The following LAMA3 variants were observed in gnomAD, a reference collection of about 807,000 sequenced individuals.
LAMA3 encodes the protein laminin subunit alpha-3.
In LAMA3, 281 loss-of-function variants were observed where a neutral mutation model predicts 402.0. That is an observed-to-expected ratio of 0.70 (90% CI 0.63 to 0.77). LAMA3 has a LOEUF of 0.77. Ranked by LOEUF, LAMA3 falls within the 30% of genes least tolerant of loss-of-function variation. The pLI is 0.00. For missense variants in LAMA3, 3,840 were observed against 4,215.5 expected (o/e 0.91, Z 2.47); for synonymous variants, 1,431 against 1,558.4 (o/e 0.92, Z 1.93).
At chr18:23,708,364 T>C (rs927325380) in intron 1 of LAMA3, among the ~76,000 whole-genome samples, 25 of 152,214 alleles carry the variant, frequency 1.6e-4, no homozygotes, top group Non-Finnish European at 5.9e-5. Flanking sequence ...TTCATATAAA[T>C]TTTAGAATTA....
intron 12 of LAMA3, among the ~76,000 whole-genome samples, chr18:23,793,702 T>G (rs530351499): frequency 6.6e-6 from 1 of 152,134 alleles, no homozygotes; most frequent in African/African-American, 2.4e-5. Flanking sequence ...TGACCAAATG[T>G]GTGGGGGTCT....
At position 23,916,590 on chromosome 18, in the gene LAMA3, G is replaced by A. The variant is rs139567388; in HGVS notation, c.7818G>A (p.Thr2606=). The stretch of plus-strand genomic sequence containing the variant: ...CAGACAAAAATTATTTTGAAGGTAC[G>A]GGCTATGCTCGAGTTCCAACTCAAC... ...EESDKNYFEG[T]GYARVPTQPH... The change falls in exon 60 of 75, where the codon ACG becomes ACA. Residue 2606 remains threonine, a synonymous_variant. Transcript: ENST00000313654. 7.8e-4 allele frequency: 1,254 copies of A among 1,613,986 alleles called. 7 individuals are homozygous for A. The African/African-American group carries it at 0.014, about 18-fold the overall frequency.
intron 1 of LAMA3, among the ~76,000 whole-genome samples, chr18:23,698,286 G>C (rs1030967123): frequency 6.8e-6 from 1 of 147,670 alleles, no homozygotes; most frequent in Non-Finnish European, 1.5e-5. Context: ...GGCTCACTGC[G>C]AGCTCCGCCT....
At chr18:23,758,262 G>C in intron 6 of LAMA3, 134 bp from the exon 7 acceptor site, 1 of 718,646 alleles carries the variant, frequency 1.4e-6, no homozygotes. Context: ...GCGAAGTGTT[G>C]TGTTCTCCTA....
At chr18:23,858,082 A>C in intron 33 of LAMA3, 94 bp downstream of exon 33, 1 of 1,422,022 alleles carries the variant, frequency 7.0e-7, no homozygotes, top group Non-Finnish European at 9.8e-7. Flanking sequence ...GGGAAATGGG[A>C]CTGACCCGTA....
Position 23,921,454 on chromosome 18 carries a change from T to A in LAMA3, c.8046T>A (p.Ile2682=). Residue 2682 remains isoleucine (I), a splice_region_variant and synonymous_variant, in exon 62 of 75, where the codon ATT becomes ATA. Transcript: ENST00000313654. ...DAINNGRDHS[I]QIKIGKLQKR... ...GATTCATCTCTCATTTATTTCAGAT[T>A]CAGATCAAAATTGGAAAACTCCAAA... 6.2e-7 allele frequency: 1 copy of A among 1,612,844 alleles called. No homozygotes were observed.
At position 23,914,657 on chromosome 18, in the gene LAMA3, AT is replaced by A. The variant is rs2081550905; in HGVS notation, c.7482-35del. 1.1e-5 allele frequency: 18 copies of A among 1,598,224 alleles called. No homozygotes were observed. In the East Asian group the frequency reaches 2.7e-4, roughly 24 times the overall value. On this transcript the variant is annotated intron_variant, in intron 57 of 74. Transcript: ENST00000313654. ...AGTGGCTTGGCTTTGAATTCTTCAA[AT>A]TTTTTGTTTAACTTTATTATCTAAA...
intron 15 of LAMA3, 87 bp from the exon 16 acceptor site, chr18:23,815,101 G>T: frequency 8.5e-7 from 1 of 1,181,016 alleles, no homozygotes; most frequent in Non-Finnish European, 1.3e-6. Context: ...AACTGCACAC[G>T]TTGTGTTGCA....
chr18:23,894,778 G>T, intron 43 of LAMA3, 129 bp from the exon 44 acceptor site: 2 of 1,137,724 alleles, frequency 1.8e-6, no homozygotes, highest in South Asian at 2.6e-5. Flanking sequence ...TCCCTGAGAA[G>T]GCCAGGGCTG....
chr18:23,710,209 C>T, intron 1 of LAMA3: 1 of 646,810 alleles, frequency 1.5e-6, no homozygotes, highest in Non-Finnish European at 2.8e-6. Flanking sequence ...TTAAACACTG[C>T]CTTCTTGGCC....
rs773327130 is a variant in LAMA3, at chr18:23,928,124, T to C, written c.8179T>C (p.Phe2727Leu). 6.2e-6 allele frequency: 10 copies of C among 1,607,620 alleles called. No homozygotes were observed. Among genetic ancestry groups the C allele is most frequent in the Non-Finnish European group, 8.5e-6 (10 of 1,174,142 alleles). The part of the protein sequence containing the change: ...GGIPIAIRER[F>L]NISTPAFRGC... ...CCTTTTATCTGTGTTCGTAATCAGA[T>C]TTAACATTTCTACGCCTGCTTTCCG... The change falls in exon 63 of 75, where the codon TTT (phenylalanine) becomes CTT (leucine). Residue 2727 changes from phenylalanine (F) to leucine (L), a missense_variant and splice_region_variant. Around this residue, in one of 3 missense-constraint regions of LAMA3, gnomAD observed 840 missense variants for 981.9 expected, o/e 0.86. Transcript: ENST00000313654.
At chr18:23,895,168 C>A in intron 44 of LAMA3, 110 bp downstream of exon 44, 2 of 1,236,276 alleles carry the variant, frequency 1.6e-6, no homozygotes, top group Non-Finnish European at 1.1e-6. Context: ...CAGGGGTTGT[C>A]CTCCTTCCTC....
intron 2 of LAMA3, among the ~76,000 whole-genome samples, chr18:23,729,184 A>C (rs2061350653): frequency 6.6e-6 from 1 of 151,882 alleles, no homozygotes; most frequent in African/African-American, 2.4e-5. Context: ...AGAGACAGAG[A>C]GATCTCAACT....
At chr18:23,934,050 T>C (rs2145419553) in intron 67 of LAMA3, 115 bp downstream of exon 67, 2 of 967,084 alleles carry the variant, frequency 2.1e-6, no homozygotes, top group Non-Finnish European at 3.3e-6. Flanking sequence ...TAAAGTGGGA[T>C]TGATGCATTA....
chr18:23,854,000 AG>A (rs2064005358), intron 32 of LAMA3, among the ~76,000 whole-genome samples: 1 of 152,204 alleles, frequency 6.6e-6, no homozygotes, highest in Non-Finnish European at 1.5e-5. Context: ...TCAAGAATAT[AG>A]ATATTGTTTT....
chr18:23,945,722 C>T (rs1226493132), intron 69 of LAMA3, among the ~76,000 whole-genome samples: 1 of 152,164 alleles, frequency 6.6e-6, no homozygotes, highest in African/African-American at 2.4e-5. Context: ...GAAGTGCCCT[C>T]GTTCTACCTG....
chr18:23,824,318 C>T (rs755242688), intron 20 of LAMA3, 105 bp from the exon 21 acceptor site: 1 of 1,186,516 alleles, frequency 8.4e-7, no homozygotes, highest in Non-Finnish European at 1.2e-6. Flanking sequence ...TACATATCAT[C>T]TTAAACTTTT....
At chr18:23,901,344 T>C in intron 48 of LAMA3, 21 bp downstream of exon 48, 1 of 1,601,606 alleles carries the variant, frequency 6.2e-7, no homozygotes, top group Non-Finnish European at 8.6e-7. Flanking sequence ...AGTTTGAAGT[T>C]GCACACTTTC....
rs200830040 is a variant in LAMA3, at chr18:23,871,559, C to T, written c.4896C>T (p.Ser1632=). 16 of 1,614,174 alleles carry T rather than the reference C, an allele frequency of 9.9e-6. No individual in the cohort carries two copies. The highest frequency in any genetic ancestry group is 2.2e-5 in the South Asian group (2 of 91,074). Reference sequence around the variant, plus strand: ...CAGAGACTCAAAGGCTCACCCTGAGCGAGGTGGGGCTAGAGGAAGCCTCTG... The same window carrying T: ...CAGAGACTCAAAGGCTCACCCTGAGTGAGGTGGGGCTAGAGGAAGCCTCTG... ...YFTETQRLTL[S]EVGLEEASDT... The change falls in exon 38 of 75, where the codon AGC becomes AGT. Residue 1632 remains serine (S), a synonymous_variant. Transcript: ENST00000313654.
Sources: gnomAD v4.1 joint callset for allele counts (sites outside exome capture counted in the v4.1 genomes callset) on GRCh38, gnomAD v4.1.1 for gene constraint, gnomAD v4.1.1 regional missense constraint, MANE v1.5 for transcripts, NCBI Gene and HGNC (gene_info 2026-07-23, HGNC 2026-07-21) for gene names.